The following NUP58 variants were observed in gnomAD, a reference collection of about 807,000 sequenced individuals.
NUP58 encodes nucleoporin p58/p45.
Under a neutral mutation model 70.1 loss-of-function variants are expected in NUP58, and 17 were observed. The observed-to-expected ratio is 0.24, with a 90% CI of 0.17 to 0.36. The LOEUF (loss-of-function observed/expected upper bound fraction) is 0.36, where lower values mean the gene tolerates loss of function less well. Among genes scored for constraint, NUP58 ranks in the 10% least tolerant of loss-of-function variants. The probability of loss-of-function intolerance (pLI) is 1.00; values close to 1 mark genes in which losing one functional copy is unlikely to be tolerated. For missense variants in NUP58, 644 were observed against 701.5 expected, an observed-to-expected ratio of 0.92 and a Z score of 0.93; for synonymous variants, 275 against 257.6, an observed-to-expected ratio of 1.07 and a Z score of -0.65.
intron 12 of NUP58, among the ~76,000 whole-genome samples, chr13:25,328,480 C>T (rs190758358): frequency 6.6e-6 from 1 of 150,792 alleles, no homozygotes; most frequent in Non-Finnish European, 1.5e-5. Flanking sequence ...ACTGCAACCT[C>T]CACCTCCTGG....
intron 4 of NUP58, 89 bp downstream of exon 4, chr13:25,313,121 A>G: frequency 7.1e-7 from 1 of 1,416,774 alleles, no homozygotes; most frequent in Non-Finnish European, 9.6e-7. Flanking sequence ...TACTACAGAA[A>G]TTATTGATTT....
In NUP58 at chr13:25,341,884, A is replaced by C. The variant is rs527672674; in HGVS notation, c.*1750A>C. 1 of 152,586 alleles carries C rather than the reference A, an allele frequency of 6.6e-6. No homozygotes were observed. Among genetic ancestry groups the C allele is most frequent in the South Asian group, 2.1e-4 (1 of 4,826 alleles). The allele number at this position is 152,586 out of a possible 1,614,324, so 9.5% of individuals were successfully genotyped here. A position where few individuals can be genotyped will look rare whatever the true frequency, so the allele number is the denominator to read the frequency against. ...TTTCATCAAGACACCTTTTTTCTAAAATAGGCATTGCATACACATATGCAC... is the reference window on the plus strand; with the variant it reads ...TTTCATCAAGACACCTTTTTTCTAACATAGGCATTGCATACACATATGCAC... On this transcript the variant is annotated 3_prime_UTR_variant, in exon 16 of 16. Coordinates refer to ENST00000381736, the MANE Select transcript of NUP58 (RefSeq NM_014089.4).
intron 1 of NUP58, among the ~76,000 whole-genome samples, chr13:25,306,145 C>G (rs1287758730): frequency 6.6e-6 from 1 of 152,088 alleles, no homozygotes; most frequent in East Asian, 1.9e-4. Flanking sequence ...GTGGCTCACG[C>G]CTGTAATCCC....
At chr13:25,329,226 C>G (rs1305864183) in intron 12 of NUP58, among the ~76,000 whole-genome samples, 2 of 152,086 alleles carry the variant, frequency 1.3e-5, no homozygotes, top group Non-Finnish European at 2.9e-5. Flanking sequence ...CAAAAGTAGG[C>G]TATCATTATA....
At chr13:25,301,994 T>G (rs1332279092) in intron 1 of NUP58, 114 bp downstream of exon 1, 1 of 701,572 alleles carries the variant, frequency 1.4e-6, no homozygotes, top group East Asian at 2.9e-5. Context: ...CCAGTGGGGC[T>G]GGAGAGAAGC....
chr13:25,333,538 C>G, intron 13 of NUP58: 13 of 985,232 alleles, frequency 1.3e-5, no homozygotes, highest in Non-Finnish European at 1.6e-5. Context: ...TGTATGAATT[C>G]TTAGAACTGA....
chr13:25,301,839 C>T lies in NUP58; in HGVS notation c.66C>T (p.Thr22=), dbSNP rs1222778181. The T allele has an allele frequency of 1.2e-6, 2 of 1,613,540 alleles. No homozygotes were observed. Among genetic ancestry groups the T allele is most frequent in the South Asian group, 1.1e-5 (1 of 91,016 alleles). The change falls in exon 1 of 16, where the codon ACC becomes ACT. Residue 22 remains threonine, a synonymous_variant. Transcript: ENST00000381736. Reference sequence around the variant, plus strand: ...CCACCACCGTGGCCGCCGGCGGGACCAGCACAGGCGGCGTTTTCTCCTTCG... The same window carrying T: ...CCACCACCGTGGCCGCCGGCGGGACTAGCACAGGCGGCGTTTTCTCCTTCG... The part of the protein sequence containing the change: ...LGSTTVAAGG[T]STGGVFSFGT...
chr13:25,342,339 G>A lies in NUP58; in HGVS notation c.*2205G>A, dbSNP rs2031982526. 6.6e-6 allele frequency: 1 copy of A among 152,542 alleles called. No individual in the cohort carries two copies. The highest frequency in any genetic ancestry group is 6.5e-5 in the Admixed American group (1 of 15,274). 9.4% of individuals were successfully genotyped at this position (152,542 alleles called of 1,614,324 possible). On this transcript the variant is annotated 3_prime_UTR_variant, in exon 16 of 16. Coordinates refer to ENST00000381736, the MANE Select transcript of NUP58 (RefSeq NM_014089.4). Reference sequence around the variant, plus strand: ...TAATTTGTTATAGGAGTTTAAATGTGTTGTCATTGTCTCCATTGTCTTTGT... The same window carrying A: ...TAATTTGTTATAGGAGTTTAAATGTATTGTCATTGTCTCCATTGTCTTTGT...
downstream of NUP58, among the ~76,000 whole-genome samples, chr13:25,347,102 T>C (rs552638641): frequency 2.8e-4 from 42 of 152,296 alleles, no homozygotes; most frequent in African/African-American, 9.4e-4. Flanking sequence ...TTATACAATA[T>C]TTTAAATAAT....
intron 13 of NUP58, chr13:25,333,830 A>T: frequency 3.0e-6 from 3 of 985,352 alleles, no homozygotes; most frequent in Non-Finnish European, 3.6e-6. Context: ...GGGTAGAGAG[A>T]GCTTATGCAT....
chr13:25,331,805 T>C (rs959089418), intron 13 of NUP58: 4 of 1,315,836 alleles, frequency 3.0e-6, no homozygotes, highest in Non-Finnish European at 3.9e-6. Context: ...TTTGCTGTAA[T>C]GCTATAAATG....
chr13:25,313,829 C>A, intron 5 of NUP58, 78 bp downstream of exon 5: 2 of 1,207,410 alleles, frequency 1.7e-6, no homozygotes, highest in Non-Finnish European at 2.2e-6. Context: ...GTACTTTGAG[C>A]AGGTCACTTT....
intron 13 of NUP58, chr13:25,336,456 A>G (rs981299391): frequency 4.8e-6 from 2 of 414,218 alleles, no homozygotes; most frequent in Non-Finnish European, 8.2e-6. Flanking sequence ...TAGTTTTGCC[A>G]TGTTAGTGTC....
downstream of NUP58, chr13:25,342,453 AT>A (rs1479185291): frequency 6.7e-6 from 1 of 149,986 alleles, no homozygotes; most frequent in Non-Finnish European, 1.5e-5. Context: ...TTAATATGTA[AT>A]TTTATTATTG....
chr13:25,346,129 A>G (rs1377758978), downstream of NUP58, among the ~76,000 whole-genome samples: 1 of 152,226 alleles, frequency 6.6e-6, no homozygotes, highest in African/African-American at 2.4e-5. Flanking sequence ...ATTTAGGAAT[A>G]TAAATACATA....
At chr13:25,335,725 T>A in intron 13 of NUP58, 1 of 983,668 alleles carries the variant, frequency 1.0e-6, no homozygotes. Flanking sequence ...TTAAATGCTT[T>A]ATAATTTTAC....
chr13:25,313,338 G>T (rs2030766903), intron 4 of NUP58, among the ~76,000 whole-genome samples: 1 of 152,210 alleles, frequency 6.6e-6, no homozygotes, highest in African/African-American at 2.4e-5. Context: ...TAATATGAAG[G>T]TGAAGTTGGT....
chr13:25,308,745 T>C (rs941663829), intron 2 of NUP58, among the ~76,000 whole-genome samples: 3 of 152,216 alleles, frequency 2.0e-5, no homozygotes, highest in East Asian at 1.9e-4. Context: ...GGAAAAATAA[T>C]GTTTCACTGG....
At chr13:25,347,905 C>T (rs534120977) in intron 3 of NUP58, among the ~76,000 whole-genome samples, 1 of 151,616 alleles carries the variant, frequency 6.6e-6, no homozygotes, top group Admixed American at 6.6e-5. Context: ...TCGAGAATTT[C>T]TACTCCTCTA....
Sources: allele counts gnomAD v4.1 joint callset (sites outside exome capture counted in the v4.1 genomes callset), GRCh38; gene constraint gnomAD v4.1.1; transcripts MANE v1.5; gene names NCBI Gene and HGNC (gene_info 2026-07-23, HGNC 2026-07-21).